Variants in C18orf63 observed in about 807,000 individuals in gnomAD.
C18orf63 encodes uncharacterized protein C18orf63.
A neutral mutation model predicts 75.3 loss-of-function variants in C18orf63; 50 were observed. The observed-to-expected ratio is 0.66, with a 90% CI of 0.53 to 0.84. The LOEUF (loss-of-function observed/expected upper bound fraction) is 0.84. Ranked by LOEUF, C18orf63 falls within the 40% of genes least tolerant of loss-of-function variation. The probability of loss-of-function intolerance (pLI) is 0.00; values close to 1 mark genes in which losing one functional copy is unlikely to be tolerated. For synonymous variants in C18orf63, 232 were observed against 267.6 expected (o/e 0.87, Z 1.30); for missense variants, 732 against 800.2 (o/e 0.91, Z 1.03).
At position 74,353,430 on chromosome 18, in the gene C18orf63, A is replaced by T; in HGVS notation, c.1163A>T (p.Gln388Leu). 1 of 1,536,366 alleles carries T rather than the reference A, an allele frequency of 6.5e-7. No homozygotes were observed. ...TSGIFSALHL[Q>L]PESVQGRKKS... ...GGCATTTTCTCAGCTTTGCATCTCC[A>T]GCCAGAGTCTGTTCAGGGTAGAAAG... The change falls in exon 12 of 14, where the codon CAG becomes CTG. Residue 388 changes from glutamine to leucine, a missense_variant. Gln to Leu is a moderately radical substitution (Grantham distance 113). Transcript: ENST00000579455.
At chr18:74,329,801 T>A (rs1463901959) in intron 6 of C18orf63, among the ~76,000 whole-genome samples, 1 of 152,224 alleles carries the variant, frequency 6.6e-6, no homozygotes, top group Non-Finnish European at 1.5e-5. Flanking sequence ...TTTCATTGAT[T>A]TGCACAGTTG....
At chr18:74,318,157 G>A (rs951776560) in intron 2 of C18orf63, among the ~76,000 whole-genome samples, 158 bp downstream of exon 2, 1 of 152,032 alleles carries the variant, frequency 6.6e-6, no homozygotes, top group African/African-American at 2.4e-5. Flanking sequence ...CAGGTATATT[G>A]GATTATATTT....
intron 6 of C18orf63, 119 bp from the exon 7 acceptor site, chr18:74,330,747 G>A (rs1984290771): frequency 2.1e-6 from 1 of 469,708 alleles, no homozygotes; most frequent in South Asian, 3.8e-5. Flanking sequence ...ACCATGTGCG[G>A]AAAAAAATCT....
chr18:74,325,700 C>A (rs2145117234), intron 4 of C18orf63, among the ~76,000 whole-genome samples: 1 of 152,314 alleles, frequency 6.6e-6, no homozygotes, highest in East Asian at 1.9e-4. Flanking sequence ...TTGCTGCAAA[C>A]TTTCCAAAAT....
At position 74,351,003 on chromosome 18, in the gene C18orf63, C is replaced by T. The variant is rs183835259; in HGVS notation, c.979-2243C>T. On this transcript the variant is annotated intron_variant, in intron 11 of 13. Transcript: ENST00000579455. ...CCTTGATCTTGGACTTCCCAGCCTC[C>T]AAAACTGTTGCTTATAAACTACCTA... Among the ~76,000 whole-genome samples the T allele has an allele frequency of 5.9e-3, 899 of 152,238 alleles. 10 individuals are homozygous for T. Among genetic ancestry groups the T allele is most frequent in the Non-Finnish European group, 7.3e-3 (499 of 68,014 alleles).
At chr18:74,353,222 T>C (rs920311565) in intron 11 of C18orf63, 24 bp from the exon 12 acceptor site, 1 of 1,442,172 alleles carries the variant, frequency 6.9e-7, no homozygotes. Flanking sequence ...TTTTAAATTT[T>C]TTTTTAATCT....
In C18orf63 at chr18:74,317,803, T is replaced by G. The variant is rs928548045; in HGVS notation, c.-32-31T>G. 22 of 1,350,744 alleles carry G rather than the reference T, an allele frequency of 1.6e-5. No homozygotes were observed. The African/African-American group carries it at 3.2e-4, about 20-fold the overall frequency. 83.7% of individuals were successfully genotyped at this position (1,350,744 alleles called of 1,614,324 possible). ...TTGGAACTCTATTGGTAAGATAATT[T>G]ACTACCTTTTTTTGCTGTTTATTTT... On this transcript the variant is annotated intron_variant, in intron 1 of 13. Transcript: ENST00000579455.
chr18:74,352,877 G>A (rs1984691146), intron 11 of C18orf63, among the ~76,000 whole-genome samples: 1 of 152,164 alleles, frequency 6.6e-6, no homozygotes, highest in African/African-American at 2.4e-5. Flanking sequence ...ATTGATGGGT[G>A]GGAGAAGGTG....
intron 4 of C18orf63, among the ~76,000 whole-genome samples, chr18:74,324,845 C>T (rs1471681272): frequency 6.6e-6 from 1 of 152,102 alleles, no homozygotes; most frequent in African/African-American, 2.4e-5. Context: ...TTCCTATAAA[C>T]TAAATTTTTG....
At chr18:74,330,534 A>G (rs1248337283) in intron 6 of C18orf63, among the ~76,000 whole-genome samples, 4 of 152,110 alleles carry the variant, frequency 2.6e-5, no homozygotes, top group Non-Finnish European at 5.9e-5. Context: ...CAATCTCCAT[A>G]TTTATATATA....
At chr18:74,354,290 C>A in intron 12 of C18orf63, 22 bp downstream of exon 12, 2 of 1,484,834 alleles carry the variant, frequency 1.3e-6, no homozygotes, top group Non-Finnish European at 1.8e-6. Context: ...ATTAATCTGG[C>A]ACTACTTATC....
At chr18:74,328,620 T>G (rs1984248450) in intron 5 of C18orf63, among the ~76,000 whole-genome samples, 1 of 152,200 alleles carries the variant, frequency 6.6e-6, no homozygotes, top group African/African-American at 2.4e-5. Context: ...GATGTTTCTT[T>G]AAAAAAATCA....
rs192630002 is a variant in C18orf63 at position 74,320,371 on chromosome 18, G to A, written c.135-142G>A. The A allele has an allele frequency of 7.9e-4, 415 of 523,210 alleles. 2 individuals carry two copies. The highest frequency in any genetic ancestry group is 7.5e-3 in the African/African-American group (385 of 51,104). 32.4% of individuals were successfully genotyped at this position (523,210 alleles called of 1,614,324 possible). ...GAACTCACTATCACTAGAGCAACAG[G>A]GGGGAAATCCGCCGCCATGAGCCAA... is the stretch of plus-strand genomic sequence containing the variant. On this transcript the variant is annotated intron_variant, in intron 2 of 13. Transcript: ENST00000579455.
chr18:74,343,872 T>C (rs780600068), intron 11 of C18orf63, among the ~76,000 whole-genome samples, 170 bp downstream of exon 11: 6 of 152,070 alleles, frequency 3.9e-5, no homozygotes, highest in Admixed American at 1.3e-4. Flanking sequence ...TACTTAGTCA[T>C]TTGTTATTAT....
At chr18:74,333,386 A>T (rs1341003498) in intron 7 of C18orf63, among the ~76,000 whole-genome samples, 2 of 152,192 alleles carry the variant, frequency 1.3e-5, no homozygotes, top group Admixed American at 6.5e-5. Context: ...GTCCATTCTC[A>T]TGCTGCTCTG....
intron 5 of C18orf63, among the ~76,000 whole-genome samples, chr18:74,328,549 C>T (rs2145118976): frequency 6.6e-6 from 1 of 152,240 alleles, no homozygotes; most frequent in South Asian, 2.1e-4. Context: ...TAAGCAATCT[C>T]AAGCAAGCCC....
chr18:74,328,339 A>G (rs568861754), intron 5 of C18orf63, among the ~76,000 whole-genome samples: 53 of 152,242 alleles, frequency 3.5e-4, no homozygotes, highest in African/African-American at 1.2e-3. Context: ...AGACTTATTC[A>G]CCATCATGAA....
intron 11 of C18orf63, among the ~76,000 whole-genome samples, chr18:74,345,173 C>T: frequency 6.6e-6 from 1 of 151,866 alleles, no homozygotes; most frequent in Middle Eastern, 3.2e-3. Flanking sequence ...GTATTTTGGC[C>T]ATTTGGATTT....
intron 11 of C18orf63, among the ~76,000 whole-genome samples, chr18:74,351,319 G>A (rs1012277155): frequency 6.6e-6 from 1 of 152,134 alleles, no homozygotes; most frequent in Admixed American, 6.5e-5. Context: ...TTTGGTCATG[G>A]GACAATACTC....
Sources: allele counts gnomAD v4.1 joint callset (sites outside exome capture counted in the v4.1 genomes callset), GRCh38; gene constraint gnomAD v4.1.1; transcripts MANE v1.5; gene names NCBI Gene and HGNC (gene_info 2026-07-23, HGNC 2026-07-21).